Variants in NREP observed in about 807,000 individuals in gnomAD.
The protein encoded by NREP is neuronal regeneration related protein.
NREP carries 5 observed loss-of-function variants against 8.6 expected under a neutral mutation model. The ratio of observed to expected loss-of-function variants is 0.58; its 90% CI spans 0.30 to 1.22. The LOEUF is 1.22. Ranked by LOEUF, NREP falls within the 50% of genes most tolerant of loss-of-function variation. The pLI is 0.07. For missense variants in NREP, 86 were observed against 82.5 expected, an observed-to-expected ratio of 1.04 and a Z score of -0.17; for synonymous variants, 27 against 28.0, an observed-to-expected ratio of 0.96 and a Z score of 0.11.
intron 2 of NREP, among the ~76,000 whole-genome samples, chr5:111,822,091 G>A (rs1752525913): frequency 6.6e-6 from 1 of 152,092 alleles, no homozygotes; most frequent in Non-Finnish European, 1.5e-5. Context: ...AAGAACACAG[G>A]CAAATTCCAT....
intron 2 of NREP, among the ~76,000 whole-genome samples, chr5:111,969,084 T>C (rs1267842255): frequency 2.0e-5 from 3 of 152,186 alleles, no homozygotes; most frequent in African/African-American, 7.2e-5. Flanking sequence ...TATCAGGACA[T>C]TTAGGAGGAT....
At chr5:111,771,879 T>G (rs1751238797) in intron 2 of NREP, among the ~76,000 whole-genome samples, 1 of 152,118 alleles carries the variant, frequency 6.6e-6, no homozygotes, top group Non-Finnish European at 1.5e-5. Context: ...GCAAAGTCCC[T>G]AAGAACTATA....
intron 2 of NREP, among the ~76,000 whole-genome samples, chr5:111,859,848 A>G (rs1385924904): frequency 1.3e-5 from 2 of 152,132 alleles, no homozygotes; most frequent in Non-Finnish European, 2.9e-5. Flanking sequence ...GGCAGTAAAC[A>G]TAAACCTAAA....
chr5:111,967,423 G>A (rs1158830797), intron 2 of NREP, among the ~76,000 whole-genome samples: 1 of 152,036 alleles, frequency 6.6e-6, no homozygotes, highest in African/African-American at 2.4e-5. Context: ...TTCAGACATT[G>A]TAATTCATTC....
chr5:111,865,656 C>T (rs1044098719), intron 2 of NREP, among the ~76,000 whole-genome samples: 1 of 152,126 alleles, frequency 6.6e-6, no homozygotes, highest in Non-Finnish European at 1.5e-5. Context: ...TAATACTGAT[C>T]TTGCAAAATC....
chr5:111,761,369 TTCC>T (rs1750956542), upstream of NREP, among the ~76,000 whole-genome samples: 1 of 152,184 alleles, frequency 6.6e-6, no homozygotes, highest in African/African-American at 2.4e-5. Flanking sequence ...CCACATGCTA[TTCC>T]TCCTGCTGGA....
chr5:111,777,434 G>T (rs961857551), intron 2 of NREP, among the ~76,000 whole-genome samples: 2 of 151,856 alleles, frequency 1.3e-5, no homozygotes, highest in African/African-American at 4.8e-5. Context: ...AGAGGAAACC[G>T]GGTAGCTCAC....
intron 2 of NREP, among the ~76,000 whole-genome samples, chr5:111,924,443 G>C (rs10066264): frequency 0.4 from 60,139 of 151,348 alleles, 14,389 homozygotes; most frequent in Non-Finnish European, 0.55. Flanking sequence ...TGTGAGTCAG[G>C]GTGTAGTGGT....
chr5:111,926,757 T>C (rs932386308), intron 2 of NREP, among the ~76,000 whole-genome samples: 3 of 151,792 alleles, frequency 2.0e-5, no homozygotes, highest in Non-Finnish European at 4.4e-5. Context: ...CCTTTTGGAG[T>C]AACCCAGGTG....
intron 2 of NREP, among the ~76,000 whole-genome samples, chr5:111,873,777 C>T (rs1753842514): frequency 6.6e-6 from 1 of 152,150 alleles, no homozygotes; most frequent in African/African-American, 2.4e-5. Context: ...GTAATGTATT[C>T]ACAGGTTCAA....
intron 3 of NREP, 41 bp from the exon 4 acceptor site, chr5:111,731,087 A>C: frequency 6.3e-7 from 1 of 1,598,276 alleles, no homozygotes; most frequent in Non-Finnish European, 8.5e-7. Context: ...GACACACATA[A>C]AAGACAAAAT....
chr5:111,840,138 C>G (rs1287583078), intron 2 of NREP, among the ~76,000 whole-genome samples: 1 of 151,836 alleles, frequency 6.6e-6, no homozygotes, highest in African/African-American at 2.4e-5. Flanking sequence ...ATATGCATGT[C>G]TCATATAATT....
At position 111,770,659 on chromosome 5, in the gene NREP, C is replaced by G. The variant is rs575392684; in HGVS notation, c.136-35152G>C. On this transcript the variant is annotated intron_variant, in intron 2 of 3. Coordinates refer to the NREP transcript ENST00000395634. ...AATCACGGCTCACTACAGCCTCCCC[C>G]TCCCAGGCTGAAGCCATTCTTCGAC... is the stretch of plus-strand genomic sequence containing the variant. Among the ~76,000 whole-genome samples, 13 of 149,712 alleles carry G rather than the reference C, an allele frequency of 8.7e-5. No homozygotes were observed. In the South Asian group the frequency reaches 1.5e-3, roughly 17 times the overall value.
intron 2 of NREP, among the ~76,000 whole-genome samples, chr5:111,851,542 A>T (rs1753310234): frequency 6.6e-6 from 1 of 152,164 alleles, no homozygotes; most frequent in Non-Finnish European, 1.5e-5. Context: ...CTGTTGATGG[A>T]CACTTAGGTT....
chr5:111,889,184 C>T (rs929030403), intron 2 of NREP, among the ~76,000 whole-genome samples: 1 of 152,206 alleles, frequency 6.6e-6, no homozygotes, highest in Non-Finnish European at 1.5e-5. Context: ...CTGCTGGTGT[C>T]TGCTTCTGGG....
chr5:111,885,176 CAAT>C (rs1380060590), intron 2 of NREP, among the ~76,000 whole-genome samples: 1 of 151,466 alleles, frequency 6.6e-6, no homozygotes, highest in Non-Finnish European at 1.5e-5. Flanking sequence ...TCTTATACAC[CAAT>C]AACAGACAAA....
upstream of NREP, among the ~76,000 whole-genome samples, chr5:111,762,000 C>T (rs993799913): frequency 3.3e-5 from 5 of 151,432 alleles, no homozygotes; most frequent in East Asian, 1.9e-4. Context: ...GATTTGAGCA[C>T]GGAGAAGGGG....
intron 2 of NREP, among the ~76,000 whole-genome samples, chr5:111,804,174 T>C (rs1561673122): frequency 6.6e-6 from 1 of 152,170 alleles, no homozygotes; most frequent in Non-Finnish European, 1.5e-5. Context: ...AGTGTGGTAC[T>C]AGCACATGAA....
chr5:111,940,707 C>T (rs1055167366), intron 2 of NREP, among the ~76,000 whole-genome samples: 2 of 152,024 alleles, frequency 1.3e-5, no homozygotes, highest in African/African-American at 2.4e-5. Context: ...GGTCCACCCT[C>T]ACTTCTGAAA....
Sources: gnomAD v4.1 joint callset for allele counts (sites outside exome capture counted in the v4.1 genomes callset) on GRCh38, gnomAD v4.1.1 for gene constraint, MANE v1.5 for transcripts, NCBI Gene and HGNC (gene_info 2026-07-23, HGNC 2026-07-21) for gene names.